The following AFF3 variants were observed in gnomAD, a reference collection of about 807,000 sequenced individuals.
AFF3 encodes the protein AF4/FMR2 family member 3.
Under a neutral mutation model 129.7 loss-of-function variants are expected in AFF3, and 32 were observed. The ratio of observed to expected loss-of-function variants is 0.25; its 90% CI spans 0.19 to 0.33. AFF3 has a LOEUF of 0.33. Ranked by LOEUF, AFF3 falls within the 10% of genes least tolerant of loss-of-function variation. The pLI is 1.00. For synonymous variants in AFF3, 644 were observed against 635.4 expected, an observed-to-expected ratio of 1.01 and a Z score of -0.20; for missense variants, 1,373 against 1,592.0, an observed-to-expected ratio of 0.86 and a Z score of 2.34.
chr2:99,818,367 T>G (rs1370372439), intron 8 of AFF3, among the ~76,000 whole-genome samples: 1 of 152,196 alleles, frequency 6.6e-6, no homozygotes, highest in Admixed American at 6.5e-5. Context: ...GTAGGGAATC[T>G]CATTCTAATC....
intron 8 of AFF3, among the ~76,000 whole-genome samples, chr2:99,832,570 G>A (rs916967850): frequency 6.6e-6 from 1 of 152,188 alleles, no homozygotes; most frequent in Non-Finnish European, 1.5e-5. Flanking sequence ...AGGGCTTTTG[G>A]TTTCACCCCA....
chr2:99,736,507 G>A (rs183998415), intron 10 of AFF3, among the ~76,000 whole-genome samples: 1 of 151,698 alleles, frequency 6.6e-6, no homozygotes, highest in East Asian at 1.9e-4. Flanking sequence ...TTCTAAATGT[G>A]TCATTGTAAA....
rs1330245016 is a variant in AFF3, at chr2:99,771,993, C to T, written c.922-19692G>A. Among the ~76,000 whole-genome samples the T allele has an allele frequency of 5.3e-5, 8 of 152,196 alleles. No individual in the cohort carries two copies. The South Asian group carries it at 1.0e-3, about 20-fold the overall frequency. ...TCATTTAATGAAGAACAATGAGCTT[C>T]GGCAGGATTTCTTAAGTGTGAATGC... On this transcript the variant is annotated intron_variant, in intron 8 of 24. Coordinates refer to ENST00000672756, the MANE Select transcript of AFF3 (RefSeq NM_001386135.1).
chr2:99,819,476 A>G (rs1431789870), intron 8 of AFF3, among the ~76,000 whole-genome samples: 1 of 152,252 alleles, frequency 6.6e-6, no homozygotes, highest in Non-Finnish European at 1.5e-5. Context: ...AATAGCAGCT[A>G]ACAGTCATTA....
intron 8 of AFF3, among the ~76,000 whole-genome samples, chr2:99,836,725 G>A (rs1688904557): frequency 6.6e-6 from 1 of 150,868 alleles, no homozygotes; most frequent in Non-Finnish European, 1.5e-5. Flanking sequence ...TTTTTTTACA[G>A]TAAAATTCAT....
intron 4 of AFF3, among the ~76,000 whole-genome samples, chr2:100,043,184 T>C (rs765214399): frequency 2.0e-5 from 3 of 152,272 alleles, no homozygotes; most frequent in Non-Finnish European, 2.9e-5. Context: ...GACTATGTGA[T>C]AGATGCAGGA....
intron 13 of AFF3, among the ~76,000 whole-genome samples, chr2:99,619,992 G>A (rs1020996238): frequency 6.6e-6 from 1 of 152,164 alleles, no homozygotes; most frequent in Non-Finnish European, 1.5e-5. Flanking sequence ...GACCCAAACG[G>A]GTTCTCTGTG....
intron 7 of AFF3, among the ~76,000 whole-genome samples, chr2:99,909,692 C>G (rs992585905): frequency 6.6e-6 from 1 of 151,956 alleles, no homozygotes; most frequent in African/African-American, 2.4e-5. Context: ...TAGGCCATGT[C>G]AGCTGCACAG....
At chr2:100,100,804 T>C (rs924994006) in intron 4 of AFF3, among the ~76,000 whole-genome samples, 1 of 151,846 alleles carries the variant, frequency 6.6e-6, no homozygotes, top group African/African-American at 2.4e-5. Context: ...TTAAAGGCCC[T>C]GAGGAATGGC....
At chr2:99,739,994 A>G (rs1378798695) in intron 10 of AFF3, among the ~76,000 whole-genome samples, 2 of 124,396 alleles carry the variant, frequency 1.6e-5, no homozygotes, top group African/African-American at 6.3e-5. Flanking sequence ...CCCAGAGTGT[A>G]ATGTTCCCCT....
At chr2:99,954,220 C>CA (rs368941309) in intron 7 of AFF3, among the ~76,000 whole-genome samples, 1,615 of 144,666 alleles carry the variant, frequency 0.011, 25 homozygotes, top group African/African-American at 0.037. Flanking sequence ...ATGCATGGTA[C>CA]AAAAAAAAAA....
In AFF3 at chr2:100,006,496, G is replaced by A. The variant is rs190482901; in HGVS notation, c.873+136C>T. ...CTATTTAAGTCTGCCTCCCCTTTCA[G>A]TGACTGCTACAAATCCTACCACATG... On this transcript the variant is annotated intron_variant, in intron 7 of 24. Transcript: ENST00000672756. 36 of 1,125,660 alleles carry A rather than the reference G, an allele frequency of 3.2e-5. No individual in the cohort carries two copies. The East Asian group carries it at 8.7e-4, about 27-fold the overall frequency. 69.7% of individuals were successfully genotyped at this position (1,125,660 alleles called of 1,614,324 possible).
At chr2:99,875,641 G>C (rs1383213868) in intron 7 of AFF3, among the ~76,000 whole-genome samples, 2 of 152,074 alleles carry the variant, frequency 1.3e-5, no homozygotes, top group East Asian at 3.9e-4. Flanking sequence ...AGGGGTACCG[G>C]GCATGGCAAG....
At chr2:99,850,885 A>G (rs1264444806) in intron 7 of AFF3, among the ~76,000 whole-genome samples, 2 of 152,198 alleles carry the variant, frequency 1.3e-5, no homozygotes, top group African/African-American at 4.8e-5. Context: ...TTGGGTAGAG[A>G]TTTGAGAGAT....
intron 16 of AFF3, 69 bp downstream of exon 16, chr2:99,587,085 A>G (rs1445278957): frequency 6.3e-6 from 10 of 1,597,926 alleles, no homozygotes; most frequent in Non-Finnish European, 7.7e-6. Flanking sequence ...CCCTCCTCCA[A>G]CATAGCAGGT....
intron 8 of AFF3, among the ~76,000 whole-genome samples, chr2:99,800,140 C>T (rs1685832432): frequency 6.6e-6 from 1 of 152,082 alleles, no homozygotes; most frequent in Admixed American, 6.6e-5. Flanking sequence ...TCTCTAAAGA[C>T]AAGCCCCATA....
At chr2:99,947,457 G>A (rs1346369456) in intron 7 of AFF3, among the ~76,000 whole-genome samples, 3 of 142,018 alleles carry the variant, frequency 2.1e-5, no homozygotes, top group African/African-American at 5.3e-5. Flanking sequence ...TAGAAAGACA[G>A]GAAAGACAGG....
intron 8 of AFF3, among the ~76,000 whole-genome samples, chr2:99,771,251 G>A (rs982166016): frequency 2.6e-5 from 4 of 152,070 alleles, no homozygotes; most frequent in African/African-American, 9.7e-5. Context: ...AACACATACT[G>A]AGGCCTGCCA....
rs754741522 is a variant in AFF3, at chr2:100,008,957, A to G, written c.54-25T>C. On this transcript the variant is annotated intron_variant, in intron 4 of 24. Transcript: ENST00000672756. ...ACTGCATCAGGAAAAAGAAGAGAGA[A>G]CAACCACACACACAAATTAAACTGT... is the stretch of plus-strand genomic sequence containing the variant. 23 of 1,611,546 alleles carry G rather than the reference A, an allele frequency of 1.4e-5. No homozygotes were observed. The South Asian group carries it at 2.5e-4, about 18-fold the overall frequency.
Sources: gnomAD v4.1 joint callset for allele counts (sites outside exome capture counted in the v4.1 genomes callset) on GRCh38, gnomAD v4.1.1 for gene constraint, MANE v1.5 for transcripts, NCBI Gene and HGNC (gene_info 2026-07-23, HGNC 2026-07-21) for gene names.